The following ERC1 variants were observed in gnomAD, a reference collection of about 807,000 sequenced individuals.
The protein encoded by ERC1 is ELKS/RAB6-interacting/CAST family member 1, also known as RAB6 interacting protein 2.
In ERC1, 56 loss-of-function variants were observed where a neutral mutation model predicts 132.0. The observed-to-expected ratio is 0.42, with a 90% confidence interval of 0.34 to 0.53. The LOEUF is 0.53. Among genes scored for constraint, ERC1 ranks in the 20% least tolerant of loss-of-function variants. The pLI, the probability that ERC1 is intolerant of heterozygous loss-of-function variation, is 0.03. For missense variants in ERC1, 1,202 were observed against 1,349.9 expected, an observed-to-expected ratio of 0.89 and a Z score of 1.72; for synonymous variants, 478 against 476.1, an observed-to-expected ratio of 1.00 and a Z score of -0.05.
chr12:1,447,190 T>C (rs1415528308), intron 18 of ERC1, among the ~76,000 whole-genome samples: 1 of 152,130 alleles, frequency 6.6e-6, no homozygotes, highest in African/African-American at 2.4e-5. Context: ...TTAGAGACTT[T>C]TGCTTCAGAA....
chr12:1,209,987 G>GTT (rs1957715886), intron 12 of ERC1, among the ~76,000 whole-genome samples: 2 of 152,188 alleles, frequency 1.3e-5, no homozygotes, highest in Admixed American at 6.5e-5. Context: ...ATGGGTACAA[G>GTT]AGTCAGGTTA....
chr12:1,334,906 G>T lies in ERC1; in HGVS notation c.2781-36927G>T, dbSNP rs546777050. Reference sequence around the variant, plus strand: ...TGTTTGTGTCATTTCTGATTTCTTTGAGCAGTGTTTTGTAGTTCTTCTTGT... The same window carrying T: ...TGTTTGTGTCATTTCTGATTTCTTTTAGCAGTGTTTTGTAGTTCTTCTTGT... On this transcript the variant is annotated intron_variant, in intron 15 of 18. Transcript: ENST00000360905. Among the ~76,000 whole-genome samples, 678 of 152,176 alleles carry T rather than the reference G, an allele frequency of 4.5e-3. 7 individuals are homozygous for T. Among genetic ancestry groups the T allele is most frequent in the African/African-American group, 0.016 (657 of 41,528 alleles).
chr12:1,072,061 A>G (rs1340838039), intron 2 of ERC1, among the ~76,000 whole-genome samples: 3 of 151,504 alleles, frequency 2.0e-5, no homozygotes, highest in Non-Finnish European at 2.9e-5. Context: ...AGATTGCGCC[A>G]CTACACTCCA....
intron 15 of ERC1, among the ~76,000 whole-genome samples, chr12:1,345,184 C>CTCCTTTTTTTTT (rs2084322773): frequency 1.0e-5 from 1 of 99,622 alleles, no homozygotes; most frequent in Non-Finnish European, 2.1e-5. Flanking sequence ...TAGAATATTT[C>CTCCTTTTTTTTT]TTCTTTTTTT....
chr12:1,415,845 A>G (rs528824381), intron 17 of ERC1, among the ~76,000 whole-genome samples: 1 of 152,370 alleles, frequency 6.6e-6, no homozygotes, highest in East Asian at 1.9e-4. Flanking sequence ...CAATGGAATT[A>G]AAGAAGCACA....
At chr12:1,435,739 C>T (rs752710319) in intron 17 of ERC1, among the ~76,000 whole-genome samples, 4 of 152,200 alleles carry the variant, frequency 2.6e-5, no homozygotes, top group Admixed American at 6.5e-5. Context: ...TTCTCACCTG[C>T]TGAAGTGAGA....
At chr12:1,102,466 A>G (rs1944774075) in intron 3 of ERC1, among the ~76,000 whole-genome samples, 1 of 152,252 alleles carries the variant, frequency 6.6e-6, no homozygotes, top group East Asian at 1.9e-4. Flanking sequence ...TCATGGAGCT[A>G]TGTAAGCTGT....
At position 1,286,252 on chromosome 12, in the gene ERC1, C is replaced by A. The variant is rs528258197; in HGVS notation, c.2620-3600C>A. On this transcript the variant is annotated intron_variant, in intron 14 of 18. Transcript: ENST00000360905. ...GAGGTTGCAGTGAGCTGAGATCACT[C>A]CACTGCACTCCAGCCTGGGCAACAG... is the stretch of plus-strand genomic sequence containing the variant. Among the ~76,000 whole-genome samples, 96 of 146,476 alleles carry A rather than the reference C, an allele frequency of 6.6e-4. 1 individual carries two copies. The highest frequency in any genetic ancestry group is 2.3e-3 in the African/African-American group (90 of 39,904).
chr12:1,425,928 A>G (rs1433632677), intron 17 of ERC1, among the ~76,000 whole-genome samples: 2 of 152,156 alleles, frequency 1.3e-5, no homozygotes, highest in African/African-American at 2.4e-5. Flanking sequence ...AATGGAAGTG[A>G]TGATAACTAT....
Position 1,258,402 on chromosome 12 carries a change from C to T in ERC1, c.2488-4632C>T, listed in dbSNP as rs377765061. On this transcript the variant is annotated intron_variant, in intron 13 of 18. Coordinates refer to ENST00000360905, the MANE Select transcript of ERC1 (RefSeq NM_178040.4). Reference sequence around the variant, plus strand: ...AGCATGTAAAGCATGTATTCCAAGCCTCAGGCTACACATGGTAGAATCACT... The same window carrying T: ...AGCATGTAAAGCATGTATTCCAAGCTTCAGGCTACACATGGTAGAATCACT... 1.4e-4 allele frequency among the ~76,000 whole-genome samples: 21 copies of T among 152,284 alleles called. No individual in the cohort carries two copies. In the East Asian group the frequency reaches 3.9e-3, roughly 28 times the overall value.
chr12:1,052,760 G>C (rs754167501), intron 2 of ERC1, among the ~76,000 whole-genome samples: 1 of 152,006 alleles, frequency 6.6e-6, no homozygotes, highest in Non-Finnish European at 1.5e-5. Flanking sequence ...ACCTGAGGTC[G>C]GGAGTTCAAG....
intron 11 of ERC1, among the ~76,000 whole-genome samples, chr12:1,185,681 A>C (rs1955001595): frequency 6.6e-6 from 1 of 150,626 alleles, no homozygotes; most frequent in Non-Finnish European, 1.5e-5. Context: ...AGATAAATGA[A>C]TATACTTAAC....
chr12:1,427,299 A>G (rs996702634), intron 17 of ERC1, among the ~76,000 whole-genome samples: 1 of 152,346 alleles, frequency 6.6e-6, no homozygotes, highest in East Asian at 1.9e-4. Flanking sequence ...CTCGATGCCT[A>G]TCAGAACTTT....
At chr12:1,304,934 C>T (rs1330525084) in intron 15 of ERC1, among the ~76,000 whole-genome samples, 6 of 151,050 alleles carry the variant, frequency 4.0e-5, no homozygotes, top group African/African-American at 1.5e-4. Context: ...GGACTACAGG[C>T]GCCCGCCCCC....
chr12:1,149,045 G>A (rs1950616349), intron 8 of ERC1, among the ~76,000 whole-genome samples: 1 of 151,958 alleles, frequency 6.6e-6, no homozygotes, highest in Non-Finnish European at 1.5e-5. Context: ...CACCATTGTT[G>A]GCTGATAAAA....
At chr12:999,699 G>A (rs1411156170) in intron 1 of ERC1, among the ~76,000 whole-genome samples, 4 of 137,370 alleles carry the variant, frequency 2.9e-5, no homozygotes, top group Non-Finnish European at 4.6e-5. Flanking sequence ...GGGTTCAAAC[G>A]ATTCCCCTGC....
chr12:1,248,140 A>G (rs1447115510), intron 13 of ERC1, among the ~76,000 whole-genome samples: 1 of 152,234 alleles, frequency 6.6e-6, no homozygotes, highest in East Asian at 1.9e-4. Context: ...ACCTGTCTGT[A>G]TCCTTCAAGT....
At chr12:1,049,231 C>G (rs995759863) in intron 2 of ERC1, among the ~76,000 whole-genome samples, 1 of 152,188 alleles carries the variant, frequency 6.6e-6, no homozygotes, top group Non-Finnish European at 1.5e-5. Flanking sequence ...CCTCAGAAGT[C>G]ACTGTTCTGT....
chr12:1,186,997 A>AT (rs1243450709), intron 11 of ERC1, among the ~76,000 whole-genome samples: 2 of 152,006 alleles, frequency 1.3e-5, no homozygotes, highest in Non-Finnish European at 2.9e-5. Flanking sequence ...CCCCTGGCTA[A>AT]TTTTTGTACT....
Sources: gnomAD v4.1 joint callset for allele counts (sites outside exome capture counted in the v4.1 genomes callset) on GRCh38, gnomAD v4.1.1 for gene constraint, MANE v1.5 for transcripts, NCBI Gene and HGNC (gene_info 2026-07-23, HGNC 2026-07-21) for gene names.